Variants in RICTOR observed in about 807,000 individuals in gnomAD.
RICTOR encodes the protein RPTOR independent companion of MTOR complex 2, also known as rapamycin-insensitive companion of mTOR.
In RICTOR, 49 loss-of-function variants were observed where a neutral mutation model predicts 214.9. The observed-to-expected ratio is 0.23, with a 90% CI of 0.18 to 0.29. The LOEUF (loss-of-function observed/expected upper bound fraction) is 0.29, where lower values mean the gene tolerates loss of function less well. Ranked by LOEUF, RICTOR falls within the 10% of genes least tolerant of loss-of-function variation. The pLI is 1.00. For missense variants in RICTOR, 1,625 were observed against 2,047.0 expected (o/e 0.79, Z 3.98); for synonymous variants, 717 against 711.3 (o/e 1.01, Z -0.13).
At chr5:39,000,200 G>T (rs571585653) in intron 5 of RICTOR, among the ~76,000 whole-genome samples, 8 of 151,824 alleles carry the variant, frequency 5.3e-5, no homozygotes, top group South Asian at 2.1e-4. Context: ...AGAAAACCCA[G>T]CCAGAGAGAT....
rs1256688000 is a variant in RICTOR at position 39,002,816 on chromosome 5, C to T, written c.261-150G>A. ...GCATTCTACATATATAAAAATTACT[C>T]ACTCCAAGCCACACAATTTCACTTA... On this transcript the variant is annotated intron_variant, in intron 4 of 37. Transcript: ENST00000357387. 6.0e-6 allele frequency: 4 copies of T among 666,306 alleles called. No individual in the cohort carries two copies. In the African/African-American group the frequency reaches 7.5e-5, roughly 12 times the overall value. 41.3% of individuals were successfully genotyped at this position (666,306 alleles called of 1,614,324 possible). A position where few individuals can be genotyped will look rare whatever the true frequency, so the allele number is the denominator to read the frequency against.
chr5:38,941,091 A>G lies in RICTOR; in HGVS notation c.*1213T>C, dbSNP rs904703144. On this transcript the variant is annotated 3_prime_UTR_variant, in exon 38 of 38. Transcript: ENST00000357387. The stretch of plus-strand genomic sequence containing the variant: ...ATTTGCATATATGTTTAATTCCTGT[A>G]AAAAGTTCCAAATACCTTTAGACAT... 4 of 232,814 alleles carry G rather than the reference A, an allele frequency of 1.7e-5. No homozygotes were observed. Among genetic ancestry groups the G allele is most frequent in the Non-Finnish European group, 3.4e-5 (4 of 117,614 alleles). 14.4% of individuals were successfully genotyped at this position (232,814 alleles called of 1,614,324 possible). A position where few individuals can be genotyped will look rare whatever the true frequency, so the allele number is the denominator to read the frequency against.
intron 7 of RICTOR, among the ~76,000 whole-genome samples, chr5:38,986,347 A>G (rs919989717): frequency 1.3e-5 from 2 of 152,140 alleles, no homozygotes; most frequent in African/African-American, 2.4e-5. Context: ...TTTTTTCTTC[A>G]TAAATTACCC....
intron 36 of RICTOR, among the ~76,000 whole-genome samples, chr5:38,943,636 A>C (rs1264311693): frequency 6.6e-6 from 1 of 152,138 alleles, no homozygotes; most frequent in Admixed American, 6.5e-5. Context: ...AACCTGGCGA[A>C]ACTCTGTTTC....
rs373982836 is a variant in RICTOR at position 38,975,524 on chromosome 5, T to G, written c.889+13A>C. ...TCTTCTTGGATGTTATAAAGCAATG[T>G]AGAGTAACCTACCTGCCCATGATCG... On this transcript the variant is annotated intron_variant, in intron 10 of 37. Transcript: ENST00000357387. 4.5e-5 allele frequency: 71 copies of G among 1,592,960 alleles called. No homozygotes were observed. The highest frequency in any genetic ancestry group is 5.9e-5 in the Non-Finnish European group (68 of 1,160,912).
At chr5:39,057,691 T>C (rs2150199454) in intron 2 of RICTOR, among the ~76,000 whole-genome samples, 1 of 152,250 alleles carries the variant, frequency 6.6e-6, no homozygotes, top group Non-Finnish European at 1.5e-5. Context: ...GCTAATAATC[T>C]ACACTCAGTT....
At position 38,939,701 on chromosome 5, in the gene RICTOR, A is replaced by G. The variant is rs530488090; in HGVS notation, c.*2603T>C. On this transcript the variant is annotated 3_prime_UTR_variant, in exon 38 of 38. Coordinates refer to ENST00000357387, the MANE Select transcript of RICTOR (RefSeq NM_152756.5). ...CCTCCCAATTATTCAATAATTACCA[A>G]TAGTACAAATTTATATGGACTAAGA... 41 of 230,304 alleles carry G rather than the reference A, an allele frequency of 1.8e-4. No homozygotes were observed. The highest frequency in any genetic ancestry group is 2.5e-4 in the Non-Finnish European group (29 of 116,288). 14.3% of individuals were successfully genotyped at this position (230,304 alleles called of 1,614,324 possible). A position where few individuals can be genotyped will look rare whatever the true frequency, so the allele number is the denominator to read the frequency against.
intron 3 of RICTOR, among the ~76,000 whole-genome samples, chr5:39,017,260 T>C (rs973003494): frequency 6.6e-6 from 1 of 152,142 alleles, no homozygotes; most frequent in African/African-American, 2.4e-5. Flanking sequence ...ACCTCTATTA[T>C]AATTGTTTTT....
intron 18 of RICTOR, 60 bp downstream of exon 18, chr5:38,962,425 T>C (rs959406374): frequency 1.7e-6 from 2 of 1,179,226 alleles, no homozygotes; most frequent in Non-Finnish European, 1.2e-6. Context: ...ATAAGATAAT[T>C]ACGTTATAAT....
chr5:39,057,498 C>A (rs1235142308), intron 2 of RICTOR, among the ~76,000 whole-genome samples: 1 of 152,080 alleles, frequency 6.6e-6, no homozygotes, highest in Non-Finnish European at 1.5e-5. Flanking sequence ...TGCACTACTT[C>A]AGCTTTATTC....
chr5:38,985,433 C>G (rs1161457425), intron 7 of RICTOR, among the ~76,000 whole-genome samples: 1 of 152,052 alleles, frequency 6.6e-6, no homozygotes, highest in Admixed American at 6.6e-5. Flanking sequence ...GAAAGGCCAA[C>G]TGTATTTGTT....
intron 2 of RICTOR, among the ~76,000 whole-genome samples, chr5:39,036,894 A>C (rs1756751398): frequency 6.6e-6 from 1 of 152,182 alleles, no homozygotes; most frequent in Non-Finnish European, 1.5e-5. Flanking sequence ...CACTGTCAAC[A>C]TTAGACAGAT....
At chr5:39,002,463 C>T in intron 5 of RICTOR, 72 bp downstream of exon 5, 1 of 948,088 alleles carries the variant, frequency 1.1e-6, no homozygotes, top group Non-Finnish European at 1.6e-6. Flanking sequence ...CAAATCTATA[C>T]ACTTTATGGC....
At chr5:39,073,122 TACA>T (rs930156523) in intron 2 of RICTOR, among the ~76,000 whole-genome samples, 13 of 152,254 alleles carry the variant, frequency 8.5e-5, no homozygotes, top group African/African-American at 2.9e-4. Flanking sequence ...ACAGAATGTC[TACA>T]ACAAGTTTTT....
chr5:38,982,085 T>C, intron 7 of RICTOR, 49 bp from the exon 8 acceptor site: 2 of 1,374,302 alleles, frequency 1.5e-6, no homozygotes, highest in East Asian at 4.7e-5. Context: ...TTATTAAAAG[T>C]AATAAAAAAT....
intron 3 of RICTOR, among the ~76,000 whole-genome samples, chr5:39,008,585 C>T (rs1262849490): frequency 6.6e-6 from 1 of 151,834 alleles, no homozygotes; most frequent in Non-Finnish European, 1.5e-5. Flanking sequence ...TGAACATTAC[C>T]ATCTTATTTC....
At chr5:38,979,259 C>T (rs1370345919) in intron 8 of RICTOR, among the ~76,000 whole-genome samples, 2 of 152,160 alleles carry the variant, frequency 1.3e-5, no homozygotes, top group Non-Finnish European at 2.9e-5. Flanking sequence ...AAGCAATCCT[C>T]CCGCCTTAGC....
At chr5:39,073,691 G>A (rs1447135713) in intron 2 of RICTOR, among the ~76,000 whole-genome samples, 1 of 152,096 alleles carries the variant, frequency 6.6e-6, no homozygotes, top group Non-Finnish European at 1.5e-5. Context: ...GACGGGGAGG[G>A]CAGGATGTGG....
Position 39,053,864 on chromosome 5 carries a change from G to A in RICTOR, c.97+20247C>T, listed in dbSNP as rs546985417. The stretch of plus-strand genomic sequence containing the variant: ...GCCGAGATTGCGCCACTGCACTCCA[G>A]CCTGGGCGACAGCGAGACTCCGTCT... On this transcript the variant is annotated intron_variant, in intron 2 of 37. Transcript: ENST00000357387. Among the ~76,000 whole-genome samples, 20 of 133,318 alleles carry A rather than the reference G, an allele frequency of 1.5e-4. 1 individual carries two copies. The South Asian group carries it at 4.1e-3, about 27-fold the overall frequency. 87.5% of individuals were successfully genotyped at this position (133,318 alleles called of 152,430 possible). A position where few individuals can be genotyped will look rare whatever the true frequency, so the allele number is the denominator to read the frequency against.
Sources: gnomAD v4.1 joint callset for allele counts (sites outside exome capture counted in the v4.1 genomes callset) on GRCh38, gnomAD v4.1.1 for gene constraint, MANE v1.5 for transcripts, NCBI Gene and HGNC (gene_info 2026-07-23, HGNC 2026-07-21) for gene names.